Variants in PCDH15 observed in about 807,000 individuals in gnomAD.
PCDH15 encodes protocadherin-15.
Under a neutral mutation model 178.5 loss-of-function variants are expected in PCDH15, and 129 were observed. The ratio of observed to expected loss-of-function variants is 0.72; its 90% CI spans 0.63 to 0.84. The LOEUF (loss-of-function observed/expected upper bound fraction) is 0.84. Among genes scored for constraint, PCDH15 ranks in the 40% least tolerant of loss-of-function variants. The pLI is 0.00. For synonymous variants in PCDH15, 800 were observed against 732.0 expected, an observed-to-expected ratio of 1.09 and a Z score of -1.50; for missense variants, 2,230 against 2,099.9, an observed-to-expected ratio of 1.06 and a Z score of -1.21.
intron 2 of PCDH15, chr10:54,641,183 G>T (rs947534080): frequency 1.2e-5 from 2 of 171,696 alleles, no homozygotes; most frequent in Non-Finnish European, 2.6e-5. Context: ...GTGTGTGTAC[G>T]TGTAAATAAA....
chr10:54,802,797 A>G (rs907860009), upstream of PCDH15, among the ~76,000 whole-genome samples: 1 of 152,172 alleles, frequency 6.6e-6, no homozygotes. Context: ...TTTTCTAATG[A>G]CAATTCAGCC....
chr10:54,309,399 T>C (rs1235856023), intron 8 of PCDH15, among the ~76,000 whole-genome samples: 2 of 151,266 alleles, frequency 1.3e-5, no homozygotes, highest in Non-Finnish European at 2.9e-5. Flanking sequence ...TAATTGAGAC[T>C]GAGAGGACAA....
intron 1 of PCDH15, among the ~76,000 whole-genome samples, chr10:55,179,732 C>A (rs1222584144): frequency 6.6e-6 from 1 of 151,886 alleles, no homozygotes; most frequent in Non-Finnish European, 1.5e-5. Flanking sequence ...CTAGAATTTG[C>A]TGAACTGCAG....
intron 2 of PCDH15, chr10:55,506,125 TAG>T (rs1840753999): frequency 6.6e-6 from 1 of 151,364 alleles, no homozygotes; most frequent in Non-Finnish European, 1.5e-5. Flanking sequence ...AAAGACAGAT[TAG>T]AGGTAGAAAA....
chr10:54,907,206 CA>C (rs1954739587), intron 2 of PCDH15, among the ~76,000 whole-genome samples: 1 of 152,046 alleles, frequency 6.6e-6, no homozygotes, highest in Non-Finnish European at 1.5e-5. Flanking sequence ...AACAAGAAAG[CA>C]AAATTAATGA....
intron 1 of PCDH15, among the ~76,000 whole-genome samples, chr10:55,170,438 C>T (rs968690683): frequency 4.3e-4 from 65 of 152,062 alleles, no homozygotes; most frequent in Non-Finnish European, 7.1e-4. Context: ...AATGAGCCAC[C>T]GTGCCAGCCT....
Position 54,457,790 on chromosome 10 carries a change from AG to A in PCDH15, c.157+70021del, listed in dbSNP as rs1418518283. The stretch of plus-strand genomic sequence containing the variant: ...TTAGGAACACAAAACTATGTGCTAC[AG>A]GGAAAAATATAATCCAAAAGTTCTC... On this transcript the variant is annotated intron_variant, in intron 3 of 37. Coordinates refer to ENST00000644397, the MANE Select transcript of PCDH15 (RefSeq NM_001384140.1). Among the ~76,000 whole-genome samples the A allele has an allele frequency of 3.9e-5, 6 of 152,316 alleles. No homozygotes were observed. The East Asian group carries it at 9.6e-4, about 24-fold the overall frequency.
intron 8 of PCDH15, among the ~76,000 whole-genome samples, chr10:54,301,947 A>G (rs1454481950): frequency 1.3e-5 from 2 of 152,158 alleles, no homozygotes; most frequent in African/African-American, 4.8e-5. Context: ...GAAATACTGC[A>G]GTGGTGGTTA....
chr10:55,549,967 T>A lies in PCDH15; in HGVS notation c.-156+77658A>T, dbSNP rs73256715. On this transcript the variant is annotated intron_variant, in intron 2 of 5. Transcript: ENST00000613346. Reference sequence around the variant, plus strand: ...CGCATGCGTGCATTTTAGTGAACTTTGTATTTTTTCCCTTTCTCTAAGACT... The same window carrying A: ...CGCATGCGTGCATTTTAGTGAACTTAGTATTTTTTCCCTTTCTCTAAGACT... Among the ~76,000 whole-genome samples, 986 of 152,178 alleles carry A rather than the reference T, an allele frequency of 6.5e-3. 15 individuals carry two copies. Among genetic ancestry groups the A allele is most frequent in the African/African-American group, 0.023 (935 of 41,540 alleles).
At chr10:54,253,046 A>G (rs1315192235) in intron 8 of PCDH15, among the ~76,000 whole-genome samples, 3 of 152,064 alleles carry the variant, frequency 2.0e-5, no homozygotes, top group African/African-American at 7.2e-5. Flanking sequence ...ACAACATGTT[A>G]TAAAGCTGGG....
At chr10:55,201,745 T>C (rs2166153) in intron 1 of PCDH15, among the ~76,000 whole-genome samples, 52,896 of 152,100 alleles carry the variant, frequency 0.35, 9,775 homozygotes, top group Middle Eastern at 0.47. Context: ...ATGCATTCAC[T>C]TGGAAGAGCT....
intron 2 of PCDH15, among the ~76,000 whole-genome samples, chr10:55,106,166 CA>C (rs1242624931): frequency 1.3e-5 from 2 of 151,874 alleles, no homozygotes; most frequent in East Asian, 3.9e-4. Context: ...GAAATATTTT[CA>C]GGAATTTATC....
chr10:54,060,813 C>T (rs1244988371), intron 18 of PCDH15, among the ~76,000 whole-genome samples: 5 of 152,066 alleles, frequency 3.3e-5, no homozygotes, highest in South Asian at 4.2e-4. Flanking sequence ...AGGGAGTGGT[C>T]GTCTCATTAA....
chr10:54,514,767 T>C (rs192683073), intron 3 of PCDH15, among the ~76,000 whole-genome samples: 1 of 151,810 alleles, frequency 6.6e-6, no homozygotes, highest in Non-Finnish European at 1.5e-5. Flanking sequence ...AATATTCAAA[T>C]AATACAAATA....
At chr10:55,507,387 C>T (rs535879673) in intron 2 of PCDH15, among the ~76,000 whole-genome samples, 17 of 151,460 alleles carry the variant, frequency 1.1e-4, no homozygotes, top group South Asian at 4.2e-4. Flanking sequence ...AACACACACA[C>T]GCACACATAC....
chr10:55,341,793 ATATATATATATATTTTTTTTTTTTTTTTT>A (rs1256419293), intron 2 of PCDH15, among the ~76,000 whole-genome samples: 1 of 12,908 alleles, frequency 7.7e-5, no homozygotes, highest in Non-Finnish European at 1.6e-4. Flanking sequence ...ATATATATAT[ATATATATATATATTTTTTTTTTTTTTTTT>A]TTTTTTTTTA....
intron 3 of PCDH15, among the ~76,000 whole-genome samples, chr10:54,880,727 A>C (rs1954247594): frequency 6.6e-6 from 1 of 150,604 alleles, no homozygotes; most frequent in South Asian, 2.1e-4. Context: ...AATCAAAAGA[A>C]AATATATTAA....
chr10:54,325,455 A>G (rs1937745143), intron 7 of PCDH15, among the ~76,000 whole-genome samples: 2 of 152,090 alleles, frequency 1.3e-5, no homozygotes, highest in Non-Finnish European at 2.9e-5. Flanking sequence ...CCAACACAAT[A>G]TAAAAAACCA....
chr10:55,214,324 TAGAC>T (rs1238033625), intron 1 of PCDH15, among the ~76,000 whole-genome samples: 2 of 129,894 alleles, frequency 1.5e-5, no homozygotes, highest in East Asian at 4.5e-4. Flanking sequence ...ATTATTTTCA[TAGAC>T]TAACTACTGA....
Sources: allele counts gnomAD v4.1 joint callset (sites outside exome capture counted in the v4.1 genomes callset), GRCh38; gene constraint gnomAD v4.1.1; transcripts MANE v1.5; gene names NCBI Gene and HGNC (gene_info 2026-07-23, HGNC 2026-07-21).